Variants in GALNT15 observed in about 807,000 individuals in gnomAD.
GALNT15 encodes UDP-GalNAc transferase T15.
In GALNT15, 67 loss-of-function variants were observed where a neutral mutation model predicts 66.8. That is an observed-to-expected ratio of 1.00 (90% confidence interval 0.82 to 1.23). The LOEUF (loss-of-function observed/expected upper bound fraction) is 1.23. Among genes scored for constraint, GALNT15 ranks in the 50% most tolerant of loss-of-function variants. The probability of loss-of-function intolerance (pLI) is 0.00; values close to 1 mark genes in which losing one functional copy is unlikely to be tolerated. For missense variants in GALNT15, 827 were observed against 804.3 expected (o/e 1.03, Z -0.34); for synonymous variants, 313 against 311.5 (o/e 1.00, Z -0.05).
the GALNT15 span, among the ~76,000 whole-genome samples, chr3:16,244,292 AG>A: frequency 6.6e-6 from 1 of 152,328 alleles, no homozygotes; most frequent in African/African-American, 2.4e-5. Context: ...AGGGTGACAA[AG>A]CATGATGGTG....
chr3:16,227,594 TTG>T lies in GALNT15; in HGVS notation c.*103_*104del. ...TATATATTTCATGAAGCTGATCCTT[TTG>T]TGTGTGTGCTCCTGGTGTTAGGAGA... On this transcript the variant is annotated 3_prime_UTR_variant, in exon 10 of 10. Transcript: ENST00000339732. This position sits in a 1 kb window ranked among gnomAD's most constrained non-coding sequence, Gnocchi z 4.5. 1 of 1,605,528 alleles carries T rather than the reference TTG, an allele frequency of 6.2e-7. No homozygotes were observed. Among genetic ancestry groups the T allele is most frequent in the Non-Finnish European group, 8.5e-7 (1 of 1,177,380 alleles).
In GALNT15 at chr3:16,228,422, C is replaced by A; in HGVS notation, c.*922C>A. ...TTGGGAGGCAGAGTTGGGAGGATCACCTGATGTCAGGGGTTTGAGACCAGC... is the reference window on the plus strand; with the variant it reads ...TTGGGAGGCAGAGTTGGGAGGATCAACTGATGTCAGGGGTTTGAGACCAGC... On this transcript the variant is annotated 3_prime_UTR_variant, in exon 10 of 10. Coordinates refer to ENST00000339732, the MANE Select transcript of GALNT15 (RefSeq NM_054110.5). 2 of 825,100 alleles carry A rather than the reference C, an allele frequency of 2.4e-6. No individual in the cohort carries two copies. Among genetic ancestry groups the A allele is most frequent in the Non-Finnish European group, 2.9e-6 (2 of 683,488 alleles). 51.1% of individuals were successfully genotyped at this position (825,100 alleles called of 1,614,324 possible).
At chr3:16,178,238 G>A (rs964061931) in intron 1 of GALNT15, among the ~76,000 whole-genome samples, 2 of 152,098 alleles carry the variant, frequency 1.3e-5, no homozygotes, top group Admixed American at 6.5e-5. Flanking sequence ...TGTGAGTTGC[G>A]TGGTGCAAGT....
At chr3:16,194,957 G>A (rs1212721093) in intron 1 of GALNT15, among the ~76,000 whole-genome samples, 3 of 152,180 alleles carry the variant, frequency 2.0e-5, no homozygotes, top group South Asian at 2.1e-4. Context: ...AAACCTGCAC[G>A]TCCTGCACAT....
rs910973123 is a variant in GALNT15 at position 16,224,590 on chromosome 3, A to G, written c.1773+1832A>G. Among the ~76,000 whole-genome samples the G allele has an allele frequency of 6.6e-5, 10 of 151,914 alleles. No individual in the cohort carries two copies. Among genetic ancestry groups the G allele is most frequent in the African/African-American group, 2.4e-4 (10 of 41,342 alleles). ...TGAAAAAGTTCTGGATATCTGTTTC[A>G]TAACAATGTGAATATATTTAACACT... On this transcript the variant is annotated intron_variant, in intron 9 of 9. Coordinates refer to ENST00000339732, the MANE Select transcript of GALNT15 (RefSeq NM_054110.5). This position sits in a 1 kb window ranked among gnomAD's most constrained non-coding sequence, Gnocchi z 5.2.
chr3:16,179,442 C>T (rs1281095998), intron 1 of GALNT15, among the ~76,000 whole-genome samples: 2 of 152,114 alleles, frequency 1.3e-5, no homozygotes, highest in African/African-American at 4.8e-5. Context: ...AGAACTCACA[C>T]GGGTCCATGG....
chr3:16,233,823 C>T (rs963480373), downstream of GALNT15, among the ~76,000 whole-genome samples: 1 of 152,134 alleles, frequency 6.6e-6, no homozygotes, highest in African/African-American at 2.4e-5. Context: ...TCAGTGGCAG[C>T]GCTTCTCCTG....
chr3:16,193,471 C>A lies in GALNT15; in HGVS notation c.540-2289C>A, dbSNP rs2063600887. 6.6e-6 allele frequency among the ~76,000 whole-genome samples: 1 copy of A among 151,940 alleles called. No homozygotes were observed. The highest frequency in any genetic ancestry group is 2.4e-5 in the African/African-American group (1 of 41,342). ...ATAAATAGCTTGTAAATTTATAAAC[C>A]AACAAAATAATTAGCTCCTTTATGA... On this transcript the variant is annotated intron_variant, in intron 1 of 9. Coordinates refer to ENST00000339732, the MANE Select transcript of GALNT15 (RefSeq NM_054110.5). The surrounding 1 kb of genome is among the most constrained non-coding windows in gnomAD (Gnocchi z 4.7).
At position 16,200,297 on chromosome 3, in the gene GALNT15, G is replaced by A. The variant is rs1024286541; in HGVS notation, c.707-322G>A. ...ACCACTCAAGATGAGATCTGGGTGG[G>A]GACAAAGAGCCAAACCATATCAGAC... is the stretch of plus-strand genomic sequence containing the variant. On this transcript the variant is annotated intron_variant, in intron 2 of 9. Coordinates refer to ENST00000339732, the MANE Select transcript of GALNT15 (RefSeq NM_054110.5). The surrounding 1 kb of genome is among the most constrained non-coding windows in gnomAD (Gnocchi z 4.4). 1.3e-5 allele frequency among the ~76,000 whole-genome samples: 2 copies of A among 152,080 alleles called. No homozygotes were observed. The highest frequency in any genetic ancestry group is 4.8e-5 in the African/African-American group (2 of 41,404).
the GALNT15 span, among the ~76,000 whole-genome samples, chr3:16,245,154 C>A: frequency 4.6e-5 from 7 of 152,192 alleles, no homozygotes; most frequent in African/African-American, 1.7e-4. Context: ...TTATACAACG[C>A]ATCCTGTATA....
In GALNT15 at chr3:16,203,553, A is replaced by T. The variant is rs1003962224; in HGVS notation, c.911+2730A>T. ...CTCTCTCTCTCTCTCTCACACACAC[A>T]CACACACACACACACACACACACAC... On this transcript the variant is annotated intron_variant, in intron 3 of 9. Coordinates refer to ENST00000339732, the MANE Select transcript of GALNT15 (RefSeq NM_054110.5). This position sits in a 1 kb window ranked among gnomAD's most constrained non-coding sequence, Gnocchi z 6.2. 3.8e-5 allele frequency among the ~76,000 whole-genome samples: 5 copies of T among 132,472 alleles called. No homozygotes were observed. The highest frequency in any genetic ancestry group is 2.6e-4 in the South Asian group (1 of 3,806). The allele number at this position is 132,472 out of a possible 152,430, so 86.9% of individuals were successfully genotyped here.
intron 9 of GALNT15, 123 bp downstream of exon 9, chr3:16,222,881 C>T: frequency 8.5e-7 from 1 of 1,177,392 alleles, no homozygotes; most frequent in Non-Finnish European, 1.2e-6. Context: ...TGCTTTTGAA[C>T]TTAGTGGCTG....
intron 3 of GALNT15, among the ~76,000 whole-genome samples, chr3:16,201,756 A>G (rs1368756586): frequency 6.6e-6 from 1 of 152,138 alleles, no homozygotes; most frequent in Admixed American, 6.5e-5. Flanking sequence ...TCCTTCCCCC[A>G]TCTGACCGTC....
At chr3:16,190,380 T>A (rs900142284) in intron 1 of GALNT15, among the ~76,000 whole-genome samples, 1 of 152,166 alleles carries the variant, frequency 6.6e-6, no homozygotes, top group South Asian at 2.1e-4. Context: ...GGCTGACGCC[T>A]GTAATCCCAG....
intron 3 of GALNT15, among the ~76,000 whole-genome samples, chr3:16,207,875 C>T (rs1006726686): frequency 6.6e-6 from 1 of 152,148 alleles, no homozygotes; most frequent in East Asian, 1.9e-4. Context: ...AGCCACAGTC[C>T]TAGAGCATTG....
chr3:16,177,719 T>G (rs1356228170), intron 1 of GALNT15, among the ~76,000 whole-genome samples: 1 of 152,244 alleles, frequency 6.6e-6, no homozygotes, highest in Non-Finnish European at 1.5e-5. Flanking sequence ...GTTTGCTATT[T>G]GTTTTGCATA....
chr3:16,187,992 G>A lies in GALNT15; in HGVS notation c.540-7768G>A, dbSNP rs2063534472. ...AGTGAATCCCTCAGTGTCAGATGTG[G>A]GAACAAGGGCCAGAGGAGAGAAGGG... On this transcript the variant is annotated intron_variant, in intron 1 of 9. Transcript: ENST00000339732. This position sits in a 1 kb window ranked among gnomAD's most constrained non-coding sequence, Gnocchi z 5.1. Among the ~76,000 whole-genome samples the A allele has an allele frequency of 6.6e-6, 1 of 152,220 alleles. No individual in the cohort carries two copies. The highest frequency in any genetic ancestry group is 2.1e-4 in the South Asian group (1 of 4,828).
the GALNT15 span, among the ~76,000 whole-genome samples, chr3:16,243,366 G>C: frequency 6.6e-6 from 1 of 152,222 alleles, no homozygotes; most frequent in African/African-American, 2.4e-5. Flanking sequence ...ACCAACAAAG[G>C]TTCCCTCAGG....
chr3:16,246,465 A>G, the GALNT15 span, among the ~76,000 whole-genome samples: 1 of 151,668 alleles, frequency 6.6e-6, no homozygotes, highest in African/African-American at 2.4e-5. Context: ...AGCTGGGACT[A>G]CAGGTGCATG....
Sources: gnomAD v4.1 joint callset for allele counts (sites outside exome capture counted in the v4.1 genomes callset) on GRCh38, gnomAD v4.1.1 for gene constraint, Gnocchi (gnomAD v3.1) non-coding constraint, MANE v1.5 for transcripts, NCBI Gene and HGNC (gene_info 2026-07-23, HGNC 2026-07-21) for gene names.